The following GABRG3 variants were observed in gnomAD, a reference collection of about 807,000 sequenced individuals.
GABRG3 encodes gamma-aminobutyric acid type A receptor subunit gamma3.
GABRG3 carries 25 observed loss-of-function variants against 48.8 expected under a neutral mutation model. The observed-to-expected ratio is 0.51, with a 90% confidence interval of 0.37 to 0.72. GABRG3 has a LOEUF of 0.72. GABRG3 is among the 30% of genes least tolerant of loss of function. The pLI, the probability that GABRG3 is intolerant of heterozygous loss-of-function variation, is 0.00. For synonymous variants in GABRG3, 227 were observed against 217.6 expected (o/e 1.04, Z -0.38); for missense variants, 394 against 577.9 (o/e 0.68, Z 3.26).
chr15:27,055,712 A>G (rs1896534019), intron 3 of GABRG3, among the ~76,000 whole-genome samples: 1 of 152,200 alleles, frequency 6.6e-6, no homozygotes, highest in African/African-American at 2.4e-5. Flanking sequence ...AAATATTTTC[A>G]AATATGAAAT....
intron 9 of GABRG3, among the ~76,000 whole-genome samples, chr15:27,531,101 A>C (rs1305596188): frequency 6.6e-6 from 1 of 152,120 alleles, no homozygotes; most frequent in Non-Finnish European, 1.5e-5. Flanking sequence ...CTGCCTACTC[A>C]TCAGGATTGT....
At chr15:27,168,747 C>T (rs1887465128) in intron 3 of GABRG3, among the ~76,000 whole-genome samples, 1 of 152,202 alleles carries the variant, frequency 6.6e-6, no homozygotes, top group African/African-American at 2.4e-5. Context: ...AGGAAGTGGG[C>T]CCTCACCAGA....
rs1383212788 is a variant in GABRG3, at chr15:27,457,711, G to T, written c.575-22939G>T. ...GGTCCAGCCTTCCTTACTCTGACCT[G>T]ATGGTTGCAGTCGCCGTGTTTTCTG... On this transcript the variant is annotated intron_variant, in intron 5 of 9. Coordinates refer to ENST00000615808, the MANE Select transcript of GABRG3 (RefSeq NM_033223.5). This position sits in a 1 kb window ranked among gnomAD's most constrained non-coding sequence, Gnocchi z 4.4. Among the ~76,000 whole-genome samples, 2 of 152,192 alleles carry T rather than the reference G, an allele frequency of 1.3e-5. No individual in the cohort carries two copies. Among genetic ancestry groups the T allele is most frequent in the Non-Finnish European group, 2.9e-5 (2 of 68,042 alleles).
chr15:27,306,660 A>G (rs1275987813), intron 3 of GABRG3, among the ~76,000 whole-genome samples: 13 of 62,652 alleles, frequency 2.1e-4, no homozygotes, highest in South Asian at 1.3e-3. Context: ...ATATATATGA[A>G]CATGTTTATA....
At chr15:27,424,933 G>A (rs1188890687) in intron 5 of GABRG3, among the ~76,000 whole-genome samples, 2 of 152,116 alleles carry the variant, frequency 1.3e-5, no homozygotes, top group African/African-American at 4.8e-5. Context: ...GAGCATAGCA[G>A]GGGCCTAGGG....
chr15:27,379,671 G>A (rs945283937), intron 5 of GABRG3, among the ~76,000 whole-genome samples: 1 of 152,112 alleles, frequency 6.6e-6, no homozygotes, highest in Non-Finnish European at 1.5e-5. Context: ...TTTTTGAAGG[G>A]TAGTTTTCCT....
At chr15:27,009,368 T>TA (rs1201816467) in intron 2 of GABRG3, among the ~76,000 whole-genome samples, 1 of 152,172 alleles carries the variant, frequency 6.6e-6, no homozygotes, top group Non-Finnish European at 1.5e-5. Context: ...CCTACCAAGA[T>TA]ATTTGCATTT....
chr15:27,003,637 T>G (rs1020555725), intron 2 of GABRG3, among the ~76,000 whole-genome samples: 3 of 150,840 alleles, frequency 2.0e-5, no homozygotes, highest in East Asian at 3.9e-4. Context: ...TACACAGACA[T>G]GGCAACCATC....
intron 5 of GABRG3, among the ~76,000 whole-genome samples, chr15:27,420,337 G>A (rs1444363581): frequency 6.6e-6 from 1 of 152,164 alleles, no homozygotes; most frequent in Non-Finnish European, 1.5e-5. Context: ...GACACAGAAA[G>A]ACAAATACTG....
chr15:27,478,059 AAAAG>A lies in GABRG3; in HGVS notation c.575-2575_575-2572del, dbSNP rs1001533877. On this transcript the variant is annotated intron_variant, in intron 5 of 9. Transcript: ENST00000615808. The stretch of plus-strand genomic sequence containing the variant: ...GAGACTCCATGTCACAAAAAAAAAA[AAAAG>A]AAAGAAAGAAAGAAAAGGAATTCTG... Among the ~76,000 whole-genome samples the A allele has an allele frequency of 4.4e-3, 665 of 151,142 alleles. 4 individuals carry two copies. The highest frequency in any genetic ancestry group is 0.014 in the African/African-American group (567 of 40,970).
At chr15:27,016,488 C>A (rs1895781221) in intron 2 of GABRG3, among the ~76,000 whole-genome samples, 3 of 152,078 alleles carry the variant, frequency 2.0e-5, no homozygotes, top group Non-Finnish European at 4.4e-5. Context: ...TACAAGCTCC[C>A]TTGTACATGA....
intron 3 of GABRG3, among the ~76,000 whole-genome samples, chr15:27,176,591 C>T (rs1345460461): frequency 6.6e-6 from 1 of 152,190 alleles, no homozygotes; most frequent in Non-Finnish European, 1.5e-5. Context: ...TCACTTTAAA[C>T]ATCTCTAGTG....
At chr15:27,418,982 A>T (rs1242654326) in intron 5 of GABRG3, 2 of 152,350 alleles carry the variant, frequency 1.3e-5, no homozygotes, top group East Asian at 3.9e-4. Context: ...CCGCGGCAGG[A>T]GATGCCTCTA....
At position 27,364,975 on chromosome 15, in the gene GABRG3, A is replaced by G. The variant is rs79314443; in HGVS notation, c.574+36087A>G. 6 of 78,358 alleles carry G rather than the reference A, an allele frequency of 7.7e-5. No individual in the cohort carries two copies. The Admixed American group carries it at 8.2e-4, about 11-fold the overall frequency. 4.9% of individuals were successfully genotyped at this position (78,358 alleles called of 1,614,324 possible). ...TAGGACAAAGAATTTTTGTAGACACATATTCCTCAAATGTTGATATTTTAC... is the reference window on the plus strand; with the variant it reads ...TAGGACAAAGAATTTTTGTAGACACGTATTCCTCAAATGTTGATATTTTAC... On this transcript the variant is annotated intron_variant, in intron 5 of 9. Coordinates refer to ENST00000615808, the MANE Select transcript of GABRG3 (RefSeq NM_033223.5).
At chr15:27,075,470 A>C (rs1362625224) in intron 3 of GABRG3, among the ~76,000 whole-genome samples, 1 of 152,208 alleles carries the variant, frequency 6.6e-6, no homozygotes, top group Non-Finnish European at 1.5e-5. Context: ...ATAAGTTATA[A>C]AATTTATCCT....
At chr15:27,072,504 G>A (rs1217958610) in intron 3 of GABRG3, among the ~76,000 whole-genome samples, 1 of 152,134 alleles carries the variant, frequency 6.6e-6, no homozygotes, top group African/African-American at 2.4e-5. Context: ...ATATCAGCCT[G>A]TAGGATTCAT....
At chr15:27,125,964 T>C (rs1397361203) in intron 3 of GABRG3, among the ~76,000 whole-genome samples, 1 of 152,218 alleles carries the variant, frequency 6.6e-6, no homozygotes, top group Non-Finnish European at 1.5e-5. Flanking sequence ...CCAAATGGCA[T>C]GTTCCAGTAA....
At chr15:27,359,669 G>T (rs1432803713) in intron 5 of GABRG3, among the ~76,000 whole-genome samples, 3 of 152,146 alleles carry the variant, frequency 2.0e-5, no homozygotes, top group Non-Finnish European at 2.9e-5. Context: ...CTCAGTGTAC[G>T]CATTCCCATC....
At position 27,146,459 on chromosome 15, in the gene GABRG3, A is replaced by AAAC. The variant is rs556609379; in HGVS notation, c.270+119656_270+119658dup. ...GTGACACGGTGAGACTCTGTCTCAA[A>AAAC]AACAACAACAACAACAACAAAAACT... On this transcript the variant is annotated intron_variant, in intron 3 of 9. Coordinates refer to ENST00000615808, the MANE Select transcript of GABRG3 (RefSeq NM_033223.5). Among the ~76,000 whole-genome samples the AAAC allele has an allele frequency of 2.6e-3, 392 of 152,240 alleles. 7 individuals are homozygous for AAAC. The highest frequency in any genetic ancestry group is 7.8e-3 in the African/African-American group (325 of 41,552).
Sources: allele counts gnomAD v4.1 joint callset (sites outside exome capture counted in the v4.1 genomes callset), GRCh38; gene constraint gnomAD v4.1.1; non-coding constraint Gnocchi (gnomAD v3.1); transcripts MANE v1.5; gene names NCBI Gene and HGNC (gene_info 2026-07-23, HGNC 2026-07-21).